Variants in LRMDA observed in about 807,000 individuals in gnomAD.
LRMDA encodes the protein leucine-rich melanocyte differentiation-associated protein.
In LRMDA, 18 loss-of-function variants were observed where a neutral mutation model predicts 29.8. The ratio of observed to expected loss-of-function variants is 0.60; its 90% CI spans 0.42 to 0.90. LRMDA has a LOEUF of 0.90. Among genes scored for constraint, LRMDA ranks in the 40% least tolerant of loss-of-function variants. The pLI is 0.00. For synonymous variants in LRMDA, 125 were observed against 109.4 expected, an observed-to-expected ratio of 1.14 and a Z score of -0.89; for missense variants, 273 against 273.9, an observed-to-expected ratio of 1.00 and a Z score of 0.02.
chr10:75,588,577 T>G (rs1249394191), intron 2 of LRMDA, among the ~76,000 whole-genome samples: 1 of 152,216 alleles, frequency 6.6e-6, no homozygotes, highest in African/African-American at 2.4e-5. Context: ...TTTTTTGACT[T>G]TTAAAATATC....
intron 2 of LRMDA, among the ~76,000 whole-genome samples, chr10:75,965,228 C>T (rs895874295): frequency 2.6e-5 from 4 of 152,126 alleles, no homozygotes; most frequent in Non-Finnish European, 5.9e-5. Context: ...TATTTGGCAC[C>T]TGGTACCTAA....
At chr10:75,623,941 T>C (rs1490925781) in intron 2 of LRMDA, among the ~76,000 whole-genome samples, 1 of 152,216 alleles carries the variant, frequency 6.6e-6, no homozygotes. Flanking sequence ...TGACTAACCA[T>C]GCAATCTATC....
chr10:76,352,018 G>C (rs967328174), intron 6 of LRMDA, among the ~76,000 whole-genome samples: 2 of 152,096 alleles, frequency 1.3e-5, no homozygotes, highest in African/African-American at 4.8e-5. Flanking sequence ...TCTGGAGAAG[G>C]TACTTGACCA....
At chr10:75,485,304 C>A (rs541767604) in intron 2 of LRMDA, among the ~76,000 whole-genome samples, 1 of 152,162 alleles carries the variant, frequency 6.6e-6, no homozygotes, top group African/African-American at 2.4e-5. Flanking sequence ...ACAGTCACAT[C>A]CTTATTTTGA....
At chr10:76,021,210 C>T (rs1431901633) in intron 2 of LRMDA, among the ~76,000 whole-genome samples, 6 of 152,138 alleles carry the variant, frequency 3.9e-5, no homozygotes, top group African/African-American at 1.4e-4. Context: ...GCATGGTTAG[C>T]TGGGTTTGGG....
chr10:76,397,474 T>C (rs977486967), intron 6 of LRMDA, among the ~76,000 whole-genome samples: 1 of 152,182 alleles, frequency 6.6e-6, no homozygotes, highest in Non-Finnish European at 1.5e-5. Flanking sequence ...AAAGATGAAA[T>C]AAATAAGGCC....
intron 2 of LRMDA, among the ~76,000 whole-genome samples, chr10:75,585,919 T>C (rs1840649936): frequency 6.6e-6 from 1 of 152,252 alleles, no homozygotes; most frequent in African/African-American, 2.4e-5. Context: ...AGTGGAATCA[T>C]GCAGTCTTCT....
intron 2 of LRMDA, among the ~76,000 whole-genome samples, chr10:75,645,903 C>G (rs1215874320): frequency 6.6e-6 from 1 of 151,656 alleles, no homozygotes; most frequent in African/African-American, 2.4e-5. Context: ...CTATTCATCT[C>G]TTTCCCCTTT....
At chr10:75,863,527 C>G (rs940566081) in intron 2 of LRMDA, among the ~76,000 whole-genome samples, 4 of 152,088 alleles carry the variant, frequency 2.6e-5, no homozygotes, top group Admixed American at 2.6e-4. Flanking sequence ...TACTGCCTAC[C>G]GGCTGTGTGG....
At chr10:75,630,822 G>T (rs185354086) in intron 2 of LRMDA, among the ~76,000 whole-genome samples, 93 of 152,264 alleles carry the variant, frequency 6.1e-4, no homozygotes, top group Middle Eastern at 3.4e-3. Flanking sequence ...TAAAGACTTG[G>T]GCAGCCTTCA....
At chr10:76,490,027 T>G (rs115148272) in intron 6 of LRMDA, among the ~76,000 whole-genome samples, 1,569 of 152,030 alleles carry the variant, frequency 0.01, 34 homozygotes, top group African/African-American at 0.035. Context: ...AAAAATAAAT[T>G]TATTCATTAA....
chr10:75,442,758 AT>A (rs965737511), intron 2 of LRMDA, among the ~76,000 whole-genome samples: 2 of 151,004 alleles, frequency 1.3e-5, no homozygotes, highest in African/African-American at 2.4e-5. Context: ...GAAATTTAGG[AT>A]TTTTTTTTCT....
At chr10:75,513,314 G>A (rs759218928) in intron 2 of LRMDA, among the ~76,000 whole-genome samples, 5 of 152,010 alleles carry the variant, frequency 3.3e-5, no homozygotes, top group East Asian at 1.9e-4. Flanking sequence ...GCTTTCTTGC[G>A]TGCGTGTTGG....
At chr10:76,386,616 C>A (rs892110920) in intron 6 of LRMDA, among the ~76,000 whole-genome samples, 2 of 152,078 alleles carry the variant, frequency 1.3e-5, no homozygotes, top group African/African-American at 4.8e-5. Context: ...CAATATCACA[C>A]CCCATATTTG....
intron 2 of LRMDA, among the ~76,000 whole-genome samples, chr10:75,520,977 C>T (rs1250076955): frequency 6.6e-6 from 1 of 152,212 alleles, no homozygotes; most frequent in African/African-American, 2.4e-5. Context: ...TGCTGGAGGT[C>T]TACTCCAGAC....
intron 2 of LRMDA, among the ~76,000 whole-genome samples, chr10:76,017,067 A>T (rs1370070454): frequency 2.6e-5 from 4 of 152,266 alleles, no homozygotes; most frequent in Non-Finnish European, 4.4e-5. Flanking sequence ...TGTAGATATC[A>T]TCAGTTAAGA....
At chr10:76,366,202 T>C (rs1841390455) in intron 6 of LRMDA, among the ~76,000 whole-genome samples, 1 of 152,236 alleles carries the variant, frequency 6.6e-6, no homozygotes, top group Non-Finnish European at 1.5e-5. Context: ...TCTTTTGACT[T>C]AGACTTGCTT....
At chr10:76,067,575 G>A (rs1224094514) in intron 5 of LRMDA, among the ~76,000 whole-genome samples, 1 of 152,180 alleles carries the variant, frequency 6.6e-6, no homozygotes, top group Admixed American at 6.5e-5. Flanking sequence ...TCTGTGCAGA[G>A]CTACAGGGCA....
intron 2 of LRMDA, among the ~76,000 whole-genome samples, chr10:76,017,294 G>T (rs1433392161): frequency 6.6e-6 from 1 of 152,234 alleles, no homozygotes; most frequent in East Asian, 1.9e-4. Flanking sequence ...TGTGAAGGCT[G>T]GAGGTAGGCT....
Sources: gnomAD v4.1 joint callset for allele counts (sites outside exome capture counted in the v4.1 genomes callset) on GRCh38, gnomAD v4.1.1 for gene constraint, MANE v1.5 for transcripts, NCBI Gene and HGNC (gene_info 2026-07-23, HGNC 2026-07-21) for gene names.